Variants in AP1B1 observed in about 807,000 individuals in gnomAD.
AP1B1 encodes AP-1 complex subunit beta-1.
A neutral mutation model predicts 104.3 loss-of-function variants in AP1B1; 36 were observed. The observed-to-expected ratio is 0.35, with a 90% CI of 0.26 to 0.46. The LOEUF is 0.46. Ranked by LOEUF, AP1B1 falls within the 20% of genes least tolerant of loss-of-function variation. The pLI is 1.00. For synonymous variants in AP1B1, 504 were observed against 517.5 expected (o/e 0.97, Z 0.35); for missense variants, 901 against 1,247.9 (o/e 0.72, Z 4.19).
intron 2 of AP1B1, among the ~76,000 whole-genome samples, chr22:29,363,869 G>A (rs1046820855): frequency 2.0e-4 from 31 of 152,046 alleles, no homozygotes; most frequent in African/African-American, 7.5e-4. Flanking sequence ...CTCCAGCCTG[G>A]GGGACACAAA....
chr22:29,342,486 A>G, intron 11 of AP1B1, 103 bp from the exon 12 acceptor site: 2 of 881,790 alleles, frequency 2.3e-6, no homozygotes, highest in Non-Finnish European at 3.5e-6. Flanking sequence ...AGTCCCTGGA[A>G]GCCAAGCATA....
At chr22:29,381,558 C>A (rs768745668) in intron 1 of AP1B1, among the ~76,000 whole-genome samples, 2 of 152,256 alleles carry the variant, frequency 1.3e-5, no homozygotes, top group Non-Finnish European at 2.9e-5. Context: ...ATCAGAGATA[C>A]ATCTGCTCTG....
chr22:29,372,511 AG>A (rs2062258433), intron 1 of AP1B1, among the ~76,000 whole-genome samples: 1 of 152,024 alleles, frequency 6.6e-6, no homozygotes, highest in Admixed American at 6.6e-5. Flanking sequence ...TATGTTTTCT[AG>A]ATGTATAAAG....
intron 16 of AP1B1, among the ~76,000 whole-genome samples, chr22:29,338,224 G>A (rs2061665348): frequency 6.6e-6 from 1 of 152,230 alleles, no homozygotes; most frequent in South Asian, 2.1e-4. Context: ...AACATATCCT[G>A]AGACTTCCAG....
At chr22:29,371,480 C>G (rs2062236562) in intron 1 of AP1B1, among the ~76,000 whole-genome samples, 2 of 152,104 alleles carry the variant, frequency 1.3e-5, no homozygotes, top group African/African-American at 4.8e-5. Context: ...GCCTGTAATC[C>G]CAGCACTTTG....
intron 16 of AP1B1, among the ~76,000 whole-genome samples, chr22:29,335,855 AC>A (rs1222132798): frequency 1.3e-5 from 2 of 152,210 alleles, no homozygotes; most frequent in East Asian, 3.9e-4. Flanking sequence ...GACAGAAAGC[AC>A]CCTGCTTTTG....
chr22:29,333,978 T>C (rs1421894159), intron 17 of AP1B1, among the ~76,000 whole-genome samples: 1 of 152,170 alleles, frequency 6.6e-6, no homozygotes, highest in Non-Finnish European at 1.5e-5. Flanking sequence ...GGCGGAAGAA[T>C]TGCTTGAACC....
chr22:29,337,617 T>C (rs2061656599), intron 16 of AP1B1, among the ~76,000 whole-genome samples: 2 of 152,322 alleles, frequency 1.3e-5, no homozygotes, highest in East Asian at 1.9e-4. Flanking sequence ...CTGAGTGTGA[T>C]GAGGGGATCA....
Position 29,350,017 on chromosome 22 carries a change from A to G in AP1B1, c.1271+18T>C, listed in dbSNP as rs376448633. The G allele has an allele frequency of 2.4e-4, 375 of 1,585,076 alleles. No homozygotes were observed. The highest frequency in any genetic ancestry group is 3.1e-4 in the Non-Finnish European group (361 of 1,153,630). ...AGGCAGAGCTAGATGCCCTCTCCCT[A>G]GGAGGGCGGGCACGCACTTGTTGGG... is the stretch of plus-strand genomic sequence containing the variant. On this transcript the variant is annotated intron_variant, in intron 10 of 22. Coordinates refer to ENST00000357586, the MANE Select transcript of AP1B1 (RefSeq NM_001127.4).
At position 29,388,463 on chromosome 22, in the gene AP1B1, G is replaced by T. The variant is rs1458048983; in HGVS notation, c.-67C>A. On this transcript the variant is annotated 5_prime_UTR_variant, in exon 1 of 23. Transcript: ENST00000357586. ...AGCTCCCGGCGCCCCGGCTCGGTTC[G>T]GCTTGGCACCAAAATGTCCGCGGCC... is the stretch of plus-strand genomic sequence containing the variant. The T allele has an allele frequency of 6.6e-6, 1 of 152,198 alleles. No homozygotes were observed. Among genetic ancestry groups the T allele is most frequent in the Non-Finnish European group, 1.5e-5 (1 of 68,074 alleles). 9.4% of individuals were successfully genotyped at this position (152,198 alleles called of 1,614,324 possible). A position where few individuals can be genotyped will look rare whatever the true frequency, so the allele number is the denominator to read the frequency against.
At chr22:29,329,998 G>A in intron 21 of AP1B1, 3 of 1,412,526 alleles carry the variant, frequency 2.1e-6, no homozygotes, top group Non-Finnish European at 2.8e-6. Context: ...TACCTCAAAG[G>A]CTGGGAGGTT....
chr22:29,330,733 TGA>T, intron 19 of AP1B1, 24 bp from the exon 20 acceptor site: 1 of 1,597,214 alleles, frequency 6.3e-7, no homozygotes, highest in Non-Finnish European at 8.5e-7. Context: ...AGGGTGGGGA[TGA>T]GAGGCGAGCC....
At position 29,331,471 on chromosome 22, in the gene AP1B1, G is replaced by A. The variant is rs2061556505; in HGVS notation, c.2502C>T (p.Leu834=). ...CACCCATCTTCCCGTCCTCCACAAAGAGGATGTGCAGTGGGTACAAGGTGC... is the reference window on the plus strand; with the variant it reads ...CACCCATCTTCCCGTCCTCCACAAAAAGGATGTGCAGTGGGTACAAGGTGC... ...YFSTLYPLHI[L]FVEDGKMDRQ... The change falls in exon 19 of 23, where the codon CTC becomes CTT. Residue 834 remains leucine (L), a synonymous_variant. Transcript: ENST00000357586. 6.2e-7 allele frequency: 1 copy of A among 1,614,088 alleles called. No homozygotes were observed. Among genetic ancestry groups the A allele is most frequent in the Admixed American group, 1.7e-5 (1 of 60,004 alleles).
At chr22:29,349,505 G>A in intron 10 of AP1B1, 122 bp from the exon 11 acceptor site, 3 of 1,027,080 alleles carry the variant, frequency 2.9e-6, no homozygotes, top group Non-Finnish European at 4.2e-6. Flanking sequence ...GGCAGGTAAA[G>A]GGGATCTGAG....
In AP1B1 at chr22:29,342,285, C is replaced by G; in HGVS notation, c.1536G>C (p.Gln512His). The change falls in exon 12 of 23, where the codon CAG (glutamine) becomes CAC (histidine). Residue 512 changes from glutamine (Q) to histidine (H), a missense_variant and splice_region_variant. Gln to His is a conservative substitution (Grantham distance 24). Around this residue, in one of 3 missense-constraint regions of AP1B1, gnomAD observed 471 missense variants for 696.7 expected, o/e 0.68. Transcript: ENST00000357586. Reference protein sequence around the residue: ...LVQQVLSLATQDSDNPDLRDR... With the variant: ...LVQQVLSLATHDSDNPDLRDR... Reference sequence around the variant, plus strand: ...ACAGCGGGGAGGTTGGGGCACCCACCTGAGTGGCCAAACTGAGGACCTGCT... The same window carrying G: ...ACAGCGGGGAGGTTGGGGCACCCACGTGAGTGGCCAAACTGAGGACCTGCT... 6.2e-7 allele frequency: 1 copy of G among 1,613,550 alleles called. No homozygotes were observed. Among genetic ancestry groups the G allele is most frequent in the Non-Finnish European group, 8.5e-7 (1 of 1,179,720 alleles).
chr22:29,362,137 G>A (rs1252641929), intron 3 of AP1B1, among the ~76,000 whole-genome samples: 3 of 152,228 alleles, frequency 2.0e-5, no homozygotes, highest in Admixed American at 6.5e-5. Context: ...GTCACTGGGC[G>A]CTCCCACAGG....
At chr22:29,351,330 TG>T in intron 8 of AP1B1, 64 bp from the exon 9 acceptor site, 2 of 1,539,794 alleles carry the variant, frequency 1.3e-6, no homozygotes, top group Non-Finnish European at 1.8e-6. Flanking sequence ...GGAACACTCC[TG>T]GGCAGTGAAT....
Position 29,328,557 on chromosome 22 carries a change from C to G in AP1B1, c.*264G>C. On this transcript the variant is annotated 3_prime_UTR_variant, in exon 23 of 23. Coordinates refer to ENST00000357586, the MANE Select transcript of AP1B1 (RefSeq NM_001127.4). The surrounding 1 kb of genome is among the most constrained non-coding windows in gnomAD (Gnocchi z 4.1). ...TTCTGTGGCTGCTCTGGCTCTGTTT[C>G]CTTTGGTCCCCACCTCACTTAACCC... is the stretch of plus-strand genomic sequence containing the variant. The G allele has an allele frequency of 4.5e-6, 2 of 446,796 alleles. No homozygotes were observed. Among genetic ancestry groups the G allele is most frequent in the South Asian group, 5.5e-5 (2 of 36,674 alleles). The allele number at this position is 446,796 out of a possible 1,614,324, so 27.7% of individuals were successfully genotyped here.
chr22:29,364,893 G>C (rs1401695469), intron 2 of AP1B1, among the ~76,000 whole-genome samples: 2 of 150,238 alleles, frequency 1.3e-5, no homozygotes, highest in Middle Eastern at 3.6e-3. Flanking sequence ...ATTTTTAGTA[G>C]AGACGGGGTT....
Sources: allele counts gnomAD v4.1 joint callset (sites outside exome capture counted in the v4.1 genomes callset), GRCh38; gene constraint gnomAD v4.1.1; regional missense constraint gnomAD v4.1.1; non-coding constraint Gnocchi (gnomAD v3.1); transcripts MANE v1.5; gene names NCBI Gene and HGNC (gene_info 2026-07-23, HGNC 2026-07-21).